Variants in DPH6 observed in about 807,000 individuals in gnomAD.
DPH6 encodes diphthine--ammonia ligase.
Under a neutral mutation model 38.2 loss-of-function variants are expected in DPH6, and 33 were observed. That is an observed-to-expected ratio of 0.86 (90% CI 0.65 to 1.15). The LOEUF (loss-of-function observed/expected upper bound fraction) is 1.15. DPH6 is among the 50% of genes most tolerant of loss of function. The probability of loss-of-function intolerance (pLI) is 0.00; values close to 1 mark genes in which losing one functional copy is unlikely to be tolerated. For synonymous variants in DPH6, 108 were observed against 103.0 expected (o/e 1.05, Z -0.30); for missense variants, 325 against 320.0 (o/e 1.02, Z -0.12).
the DPH6 span, among the ~76,000 whole-genome samples, chr15:35,192,551 A>G: frequency 1.7e-4 from 26 of 152,188 alleles, 1 homozygote; most frequent in Non-Finnish European, 3.8e-4. Context: ...GGCCTTCAGT[A>G]ACCACATCCT....
At chr15:35,324,401 A>G (rs2052265942) in intron 3 of DPH6, among the ~76,000 whole-genome samples, 1 of 152,190 alleles carries the variant, frequency 6.6e-6, no homozygotes, top group African/African-American at 2.4e-5. Flanking sequence ...CTCAACAAAA[A>G]TAAGATGAAG....
intron 3 of DPH6, among the ~76,000 whole-genome samples, chr15:35,258,345 T>G (rs16960726): frequency 6.6e-6 from 1 of 152,130 alleles, no homozygotes; most frequent in Non-Finnish European, 1.5e-5. Flanking sequence ...GCCTCTAGGA[T>G]AGTCAAAAGT....
intron 5 of DPH6, among the ~76,000 whole-genome samples, chr15:35,418,484 T>C (rs2053464150): frequency 6.6e-6 from 1 of 152,104 alleles, no homozygotes; most frequent in African/African-American, 2.4e-5. Context: ...GGTGGATGAA[T>C]AAACTCACAA....
the DPH6 span, among the ~76,000 whole-genome samples, chr15:35,182,292 T>G: frequency 7.1e-6 from 1 of 140,978 alleles, no homozygotes; most frequent in East Asian, 2.1e-4. Context: ...AATGCTATAC[T>G]AGAGTAAACT....
chr15:35,316,935 CTG>C (rs745691104), intron 3 of DPH6, among the ~76,000 whole-genome samples: 1 of 152,088 alleles, frequency 6.6e-6, no homozygotes, highest in Non-Finnish European at 1.5e-5. Context: ...CAAAAGAGAA[CTG>C]TCTTTCTAGA....
At chr15:35,305,673 A>G (rs1204823785) in intron 3 of DPH6, among the ~76,000 whole-genome samples, 1 of 152,272 alleles carries the variant, frequency 6.6e-6, no homozygotes. Flanking sequence ...GATCTCACAT[A>G]GACAGAATTC....
chr15:35,353,778 C>T (rs2052536140), intron 3 of DPH6, among the ~76,000 whole-genome samples: 1 of 152,056 alleles, frequency 6.6e-6, no homozygotes, highest in Non-Finnish European at 1.5e-5. Flanking sequence ...TTTTTGGTTC[C>T]ATATGAACTT....
chr15:35,495,251 A>T (rs557455311), intron 3 of DPH6, among the ~76,000 whole-genome samples: 1 of 152,276 alleles, frequency 6.6e-6, no homozygotes, highest in Non-Finnish European at 1.5e-5. Flanking sequence ...TATGTCCGGT[A>T]TCCTTATAAT....
the DPH6 span, among the ~76,000 whole-genome samples, chr15:35,205,214 C>G: frequency 1.3e-5 from 2 of 151,908 alleles, no homozygotes; most frequent in African/African-American, 2.4e-5. Flanking sequence ...ATGCTGGTCT[C>G]TTTGTTGGTT....
At chr15:35,463,236 C>T (rs1298309845) in intron 3 of DPH6, among the ~76,000 whole-genome samples, 2 of 151,906 alleles carry the variant, frequency 1.3e-5, no homozygotes, top group Non-Finnish European at 2.9e-5. Context: ...ACCAATGGGG[C>T]TGTTATCAGT....
intron 3 of DPH6, among the ~76,000 whole-genome samples, chr15:35,284,015 C>A (rs2051920987): frequency 1.3e-5 from 2 of 152,124 alleles, no homozygotes; most frequent in African/African-American, 4.8e-5. Flanking sequence ...TACTTTTAAT[C>A]CAGTTCGGAG....
intron 3 of DPH6, among the ~76,000 whole-genome samples, chr15:35,236,620 C>T (rs1291854983): frequency 3.5e-5 from 5 of 144,390 alleles, no homozygotes; most frequent in Non-Finnish European, 6.0e-5. Context: ...GCCTGGGCGA[C>T]AGAGACAGAG....
At chr15:35,145,897 A>G in the DPH6 span, among the ~76,000 whole-genome samples, 6 of 152,336 alleles carry the variant, frequency 3.9e-5, no homozygotes, top group East Asian at 1.2e-3. Flanking sequence ...CTTCATTTTT[A>G]AAAATAATGT....
In DPH6 at chr15:35,371,888, A is replaced by G; in HGVS notation, c.*262T>C. The G allele has an allele frequency of 1.8e-6, 2 of 1,129,348 alleles. No homozygotes were observed. The highest frequency in any genetic ancestry group is 2.2e-6 in the Non-Finnish European group (2 of 918,136). 70.0% of individuals were successfully genotyped at this position (1,129,348 alleles called of 1,614,324 possible). A position where few individuals can be genotyped will look rare whatever the true frequency, so the allele number is the denominator to read the frequency against. On this transcript the variant is annotated 3_prime_UTR_variant, in exon 9 of 9. Transcript: ENST00000256538. ...AGAAATGGGGTTTATAGATGAAATA[A>G]AAGAAAAAAAAGGTCATAGGGAAGA...
At chr15:35,263,444 C>T (rs1309698692) in intron 3 of DPH6, among the ~76,000 whole-genome samples, 1 of 142,672 alleles carries the variant, frequency 7.0e-6, no homozygotes, top group Admixed American at 7.2e-5. Flanking sequence ...CTCACTCTCT[C>T]GCCTAGGCTA....
At chr15:35,525,928 A>G (rs1331777898) in intron 3 of DPH6, among the ~76,000 whole-genome samples, 1 of 152,190 alleles carries the variant, frequency 6.6e-6, no homozygotes, top group Non-Finnish European at 1.5e-5. Context: ...TCCCTTCCAG[A>G]TTAATAAATC....
intron 3 of DPH6, among the ~76,000 whole-genome samples, chr15:35,508,192 A>G (rs1403203462): frequency 6.6e-6 from 1 of 152,092 alleles, no homozygotes; most frequent in Admixed American, 6.6e-5. Context: ...TTGGATAGCT[A>G]CATTCTGCAC....
the DPH6 span, among the ~76,000 whole-genome samples, chr15:35,200,680 C>T: frequency 6.6e-6 from 1 of 151,480 alleles, no homozygotes; most frequent in Admixed American, 6.6e-5. Flanking sequence ...GGAAAGTCTT[C>T]CTATTTTGGA....
At chr15:35,529,194 G>C (rs1228594363) in intron 3 of DPH6, among the ~76,000 whole-genome samples, 3 of 152,180 alleles carry the variant, frequency 2.0e-5, no homozygotes, top group African/African-American at 7.2e-5. Context: ...TTAAAGAAAA[G>C]AGGTTTAATC....
Sources: allele counts gnomAD v4.1 joint callset (sites outside exome capture counted in the v4.1 genomes callset), GRCh38; gene constraint gnomAD v4.1.1; transcripts MANE v1.5; gene names NCBI Gene and HGNC (gene_info 2026-07-23, HGNC 2026-07-21).